The following CCDC85A variants were observed in gnomAD, a reference collection of about 807,000 sequenced individuals.
CCDC85A encodes coiled-coil domain containing 85A.
A neutral mutation model predicts 50.2 loss-of-function variants in CCDC85A; 38 were observed. That is an observed-to-expected ratio of 0.76 (90% confidence interval 0.58 to 0.99). CCDC85A has a LOEUF of 0.99. Ranked by LOEUF, CCDC85A falls within the 50% of genes least tolerant of loss-of-function variation. The pLI is 0.00. For missense variants in CCDC85A, 820 were observed against 742.0 expected (o/e 1.11, Z -1.22); for synonymous variants, 366 against 301.4 (o/e 1.21, Z -2.22).
intron 2 of CCDC85A, among the ~76,000 whole-genome samples, chr2:56,259,640 G>C (rs758074164): frequency 6.6e-6 from 1 of 152,188 alleles, no homozygotes; most frequent in Non-Finnish European, 1.5e-5. Flanking sequence ...TTCTCTTTGA[G>C]TCTGGGACCA....
At position 56,317,944 on chromosome 2, in the gene CCDC85A, T is replaced by C. The variant is rs568910242; in HGVS notation, c.1241-24935T>C. Among the ~76,000 whole-genome samples, 7 of 152,262 alleles carry C rather than the reference T, an allele frequency of 4.6e-5. No homozygotes were observed. The East Asian group carries it at 1.4e-3, about 29-fold the overall frequency. On this transcript the variant is annotated intron_variant, in intron 2 of 5. Coordinates refer to ENST00000407595, the MANE Select transcript of CCDC85A (RefSeq NM_001080433.2). ...AGTATCCAAAATCCAATCCATCTTC[T>C]TTATTCTTGTAGTAAAGGCTGATGT...
chr2:56,275,653 G>A (rs1268720922), intron 2 of CCDC85A, among the ~76,000 whole-genome samples: 2 of 152,164 alleles, frequency 1.3e-5, no homozygotes, highest in African/African-American at 2.4e-5. Context: ...AGGGACCCAT[G>A]TAATGTTCTA....
intron 5 of CCDC85A, among the ~76,000 whole-genome samples, chr2:56,376,284 T>C (rs1676333889): frequency 1.3e-5 from 2 of 152,208 alleles, no homozygotes; most frequent in African/African-American, 4.8e-5. Flanking sequence ...TCTTCAAATA[T>C]AGGAAGTTAA....
In CCDC85A at chr2:56,385,248, A is replaced by G. The variant is rs1187656413; in HGVS notation, c.*893A>G. On this transcript the variant is annotated 3_prime_UTR_variant, in exon 6 of 6. Transcript: ENST00000407595. Reference sequence around the variant, plus strand: ...TTTCTAGACATGCTGTATATTTAATAAACTTTATGTAAACTTTAAAATATT... The same window carrying G: ...TTTCTAGACATGCTGTATATTTAATGAACTTTATGTAAACTTTAAAATATT... 6.6e-6 allele frequency: 1 copy of G among 152,268 alleles called. No homozygotes were observed. Among genetic ancestry groups the G allele is most frequent in the Non-Finnish European group, 1.5e-5 (1 of 67,838 alleles). 9.4% of individuals were successfully genotyped at this position (152,268 alleles called of 1,614,324 possible).
intron 1 of CCDC85A, among the ~76,000 whole-genome samples, chr2:56,191,686 T>G (rs1010666450): frequency 3.3e-5 from 5 of 152,168 alleles, no homozygotes; most frequent in Admixed American, 2.0e-4. Flanking sequence ...AGGTGCAGTT[T>G]GGGGAGAGAG....
At chr2:56,317,649 TCC>T (rs1345877879) in intron 2 of CCDC85A, among the ~76,000 whole-genome samples, 1 of 152,112 alleles carries the variant, frequency 6.6e-6, no homozygotes, top group Non-Finnish European at 1.5e-5. Context: ...ATTTCAAAGC[TCC>T]CCTGCAGATT....
intron 2 of CCDC85A, among the ~76,000 whole-genome samples, chr2:56,227,934 G>C (rs138219269): frequency 2.6e-5 from 4 of 152,150 alleles, no homozygotes; most frequent in Non-Finnish European, 5.9e-5. Flanking sequence ...TCTCTGCATA[G>C]TACTTATCAC....
At chr2:56,324,771 C>T (rs1673382000) in intron 2 of CCDC85A, among the ~76,000 whole-genome samples, 1 of 151,924 alleles carries the variant, frequency 6.6e-6, no homozygotes, top group African/African-American at 2.4e-5. Context: ...TTTAAATACT[C>T]CAAGGTAGTA....
At chr2:56,372,307 T>C (rs776056561) in intron 3 of CCDC85A, 37 bp from the exon 4 acceptor site, 47 of 1,479,162 alleles carry the variant, frequency 3.2e-5, no homozygotes, top group African/African-American at 4.2e-5. Context: ...AAACAGTATT[T>C]TTCTGAGTGA....
chr2:56,290,549 ACATCACTAGTGGT>A (rs1452562173), intron 2 of CCDC85A, among the ~76,000 whole-genome samples: 8 of 152,222 alleles, frequency 5.3e-5, no homozygotes, highest in Admixed American at 2.6e-4. Context: ...ATAGTTAATA[ACATCACTAGTGGT>A]GATCATTTAA....
At chr2:56,368,258 G>A (rs11886507) in intron 3 of CCDC85A, among the ~76,000 whole-genome samples, 131,841 of 152,168 alleles carry the variant, frequency 0.87, 57,184 homozygotes, top group East Asian at 0.96. Context: ...GGATATAACC[G>A]ACTAAATATT....
intron 2 of CCDC85A, among the ~76,000 whole-genome samples, chr2:56,336,368 G>A (rs568380173): frequency 6.6e-6 from 1 of 152,134 alleles, no homozygotes; most frequent in South Asian, 2.1e-4. Flanking sequence ...TGTCAAGGCT[G>A]ATCTCGAACT....
chr2:56,345,615 T>G (rs770841702), intron 3 of CCDC85A, among the ~76,000 whole-genome samples: 14 of 152,134 alleles, frequency 9.2e-5, no homozygotes, highest in Non-Finnish European at 1.6e-4. Context: ...CAAACTAACA[T>G]GAATACAGAC....
intron 2 of CCDC85A, among the ~76,000 whole-genome samples, chr2:56,313,592 T>C (rs987761249): frequency 6.6e-6 from 1 of 152,184 alleles, no homozygotes; most frequent in Admixed American, 6.6e-5. Context: ...TGGAGCCCTG[T>C]ATACTCAGTT....
At chr2:56,328,433 A>G (rs1252548633) in intron 2 of CCDC85A, among the ~76,000 whole-genome samples, 1 of 152,084 alleles carries the variant, frequency 6.6e-6, no homozygotes, top group Non-Finnish European at 1.5e-5. Flanking sequence ...TGCCTCTTCC[A>G]CCTGACTTCT....
chr2:56,214,819 C>T (rs1677326428), intron 2 of CCDC85A, among the ~76,000 whole-genome samples: 1 of 151,840 alleles, frequency 6.6e-6, no homozygotes, highest in Non-Finnish European at 1.5e-5. Flanking sequence ...GTGATTTCTC[C>T]AAATTTGTTC....
chr2:56,297,749 G>A (rs1166194795), intron 2 of CCDC85A, among the ~76,000 whole-genome samples: 1 of 152,204 alleles, frequency 6.6e-6, no homozygotes, highest in African/African-American at 2.4e-5. Context: ...GCCGTGTGAG[G>A]TGATGTCGGG....
chr2:56,362,794 A>ATT (rs529449779), intron 3 of CCDC85A, among the ~76,000 whole-genome samples: 4 of 149,430 alleles, frequency 2.7e-5, no homozygotes, highest in East Asian at 2.0e-4. Flanking sequence ...AATTTTTTGT[A>ATT]TTTTTTTTTA....
At chr2:56,295,993 C>T (rs998133030) in intron 2 of CCDC85A, among the ~76,000 whole-genome samples, 3 of 151,974 alleles carry the variant, frequency 2.0e-5, no homozygotes, top group East Asian at 1.9e-4. Flanking sequence ...CTTACATATG[C>T]GATAAAGAGA....
Sources: allele counts gnomAD v4.1 joint callset (sites outside exome capture counted in the v4.1 genomes callset), GRCh38; gene constraint gnomAD v4.1.1; transcripts MANE v1.5; gene names NCBI Gene and HGNC (gene_info 2026-07-23, HGNC 2026-07-21).